Variants in NCALD observed in about 807,000 individuals in gnomAD.
NCALD encodes the protein neurocalcin delta, also known as neurocalcin-delta.
Under a neutral mutation model 18.6 loss-of-function variants are expected in NCALD, and 10 were observed. The observed-to-expected ratio is 0.54, with a 90% CI of 0.33 to 0.91. The LOEUF is 0.91. Among genes scored for constraint, NCALD ranks in the 40% least tolerant of loss-of-function variants. The pLI, the probability that NCALD is intolerant of heterozygous loss-of-function variation, is 0.03. For synonymous variants in NCALD, 88 were observed against 87.4 expected, an observed-to-expected ratio of 1.01 and a Z score of -0.04; for missense variants, 184 against 247.6, an observed-to-expected ratio of 0.74 and a Z score of 1.72.
chr8:101,823,486 G>A (rs2131203443), intron 4 of NCALD, among the ~76,000 whole-genome samples: 1 of 152,280 alleles, frequency 6.6e-6, no homozygotes, highest in Admixed American at 6.5e-5. Flanking sequence ...TAATTTCACA[G>A]AGCTTTTTAG....
chr8:101,988,882 C>A (rs1324579125), intron 2 of NCALD, among the ~76,000 whole-genome samples: 5 of 117,978 alleles, frequency 4.2e-5, no homozygotes, highest in Admixed American at 2.3e-4. Flanking sequence ...GATAAATGAG[C>A]TAGACAGCAG....
chr8:101,710,187 C>G (rs181192450), intron 2 of NCALD, among the ~76,000 whole-genome samples: 12 of 152,154 alleles, frequency 7.9e-5, no homozygotes, highest in East Asian at 3.9e-4. Flanking sequence ...GGAACTCCCT[C>G]CCCTAGCCAA....
At chr8:101,943,470 C>CTATGGCT (rs1186082821) in intron 2 of NCALD, among the ~76,000 whole-genome samples, 4 of 152,150 alleles carry the variant, frequency 2.6e-5, no homozygotes, top group African/African-American at 9.7e-5. Flanking sequence ...ATACAAATGA[C>CTATGGCT]TATGGCTATT....
chr8:102,100,831 A>G (rs1825252075), intron 1 of NCALD, among the ~76,000 whole-genome samples: 2 of 152,222 alleles, frequency 1.3e-5, no homozygotes, highest in Non-Finnish European at 2.9e-5. Context: ...GATTTCATTT[A>G]TATGAGGTGC....
chr8:101,879,194 G>C (rs905736241), intron 4 of NCALD, among the ~76,000 whole-genome samples: 1 of 152,140 alleles, frequency 6.6e-6, no homozygotes, highest in African/African-American at 2.4e-5. Context: ...GGAATTGGTG[G>C]GTTCTTGGTC....
At position 101,812,032 on chromosome 8, in the gene NCALD, T is replaced by C. The variant is rs997364423; in HGVS notation, c.-20+75109A>G. On this transcript the variant is annotated intron_variant, in intron 4 of 6. Transcript: ENST00000311028. Reference sequence around the variant, plus strand: ...TTGTTCTCAGAATGGAGTGGGATGGTTAATTTACACAGCTATCCTGGGAAC... The same window carrying C: ...TTGTTCTCAGAATGGAGTGGGATGGCTAATTTACACAGCTATCCTGGGAAC... Among the ~76,000 whole-genome samples the C allele has an allele frequency of 2.9e-4, 44 of 152,286 alleles. 1 individual carries two copies. Among genetic ancestry groups the C allele is most frequent in the Admixed American group, 1.4e-3 (22 of 15,288 alleles).
At chr8:101,856,997 T>C (rs763013568) in intron 4 of NCALD, among the ~76,000 whole-genome samples, 2 of 152,052 alleles carry the variant, frequency 1.3e-5, no homozygotes, top group East Asian at 3.8e-4. Flanking sequence ...CACTAATACC[T>C]CTAGTGTATT....
At chr8:101,712,204 A>G (rs1191373701) in intron 2 of NCALD, among the ~76,000 whole-genome samples, 1 of 152,198 alleles carries the variant, frequency 6.6e-6, no homozygotes, top group Non-Finnish European at 1.5e-5. Flanking sequence ...TTTACAGACA[A>G]GCAAATGCTA....
chr8:101,888,833 T>G (rs909007299), intron 3 of NCALD, among the ~76,000 whole-genome samples: 21 of 152,186 alleles, frequency 1.4e-4, no homozygotes, highest in Admixed American at 6.5e-5. Context: ...ATCTTCTATT[T>G]TGTCATGAAA....
intron 4 of NCALD, among the ~76,000 whole-genome samples, chr8:101,844,640 T>A (rs1051732766): frequency 6.6e-6 from 1 of 152,052 alleles, no homozygotes. Flanking sequence ...GGATTACAGG[T>A]GTGAGCCACT....
chr8:101,728,950 C>A (rs1189714159), intron 1 of NCALD, among the ~76,000 whole-genome samples: 1 of 152,208 alleles, frequency 6.6e-6, no homozygotes, highest in African/African-American at 2.4e-5. Flanking sequence ...TGTGGAGACA[C>A]AACTTAAAAA....
chr8:101,847,245 T>C (rs887747947), intron 4 of NCALD: 37 of 214,660 alleles, frequency 1.7e-4, no homozygotes, highest in Non-Finnish European at 2.4e-4. Context: ...CTTTTTTTTT[T>C]CCCCAAGTCA....
chr8:101,987,353 C>T (rs1157853082), intron 2 of NCALD, among the ~76,000 whole-genome samples: 2 of 152,136 alleles, frequency 1.3e-5, no homozygotes, highest in African/African-American at 4.8e-5. Flanking sequence ...TCTTCTTGAA[C>T]AAAATCAAAA....
At chr8:101,993,933 C>T (rs1821143171) in intron 2 of NCALD, among the ~76,000 whole-genome samples, 1 of 152,160 alleles carries the variant, frequency 6.6e-6, no homozygotes, top group Non-Finnish European at 1.5e-5. Context: ...AAATGCAAGT[C>T]ACCTCCCAGC....
At chr8:101,788,620 A>T (rs576407918) in intron 1 of NCALD, 2 of 152,332 alleles carry the variant, frequency 1.3e-5, no homozygotes, top group East Asian at 3.9e-4. Context: ...TGATTTGTAA[A>T]CCTGCATACT....
chr8:101,957,377 G>A (rs1031289846), intron 2 of NCALD, among the ~76,000 whole-genome samples: 7 of 141,478 alleles, frequency 4.9e-5, no homozygotes, highest in African/African-American at 1.9e-4. Context: ...GCCCTCCGCA[G>A]CCAAAGAGCA....
intron 1 of NCALD, among the ~76,000 whole-genome samples, chr8:101,721,024 G>A (rs1310593868): frequency 6.6e-6 from 1 of 152,124 alleles, no homozygotes; most frequent in African/African-American, 2.4e-5. Flanking sequence ...AAGGGGGCAT[G>A]GGTGCTCTCA....
At chr8:102,087,902 CCTCTCTCTCT>C (rs3085983) in intron 1 of NCALD, among the ~76,000 whole-genome samples, 1 of 149,372 alleles carries the variant, frequency 6.7e-6, no homozygotes, top group Non-Finnish European at 1.5e-5. Context: ...GCAATGCTTT[CCTCTCTCTCT>C]CTCTCTCTCT....
At chr8:102,052,029 AAAG>A (rs1250244294) in intron 1 of NCALD, among the ~76,000 whole-genome samples, 1 of 152,244 alleles carries the variant, frequency 6.6e-6, no homozygotes, top group African/African-American at 2.4e-5. Flanking sequence ...TTCCATCTAC[AAAG>A]AAGCTGAATG....
Sources: allele counts gnomAD v4.1 joint callset (sites outside exome capture counted in the v4.1 genomes callset), GRCh38; gene constraint gnomAD v4.1.1; transcripts MANE v1.5; gene names NCBI Gene and HGNC (gene_info 2026-07-23, HGNC 2026-07-21).